GPC3: variants seen among roughly 807,000 people sequenced by gnomAD.
The protein encoded by GPC3 is glypican-3.
In GPC3, 3 loss-of-function variants were observed where a neutral mutation model predicts 34.4. The observed-to-expected ratio is 0.09, with a 90% confidence interval of 0.04 to 0.23. The LOEUF is 0.23. Ranked by LOEUF, GPC3 falls within the 10% of genes least tolerant of loss-of-function variation. The probability of loss-of-function intolerance (pLI) is 1.00; values close to 1 mark genes in which losing one functional copy is unlikely to be tolerated. For synonymous variants in GPC3, 177 were observed against 174.0 expected, an observed-to-expected ratio of 1.02 and a Z score of -0.13; for missense variants, 351 against 445.6, an observed-to-expected ratio of 0.79 and a Z score of 1.91.
chrX:133,585,495 A>C (rs1265610679), intron 7 of GPC3, among the ~76,000 whole-genome samples: 1 of 111,288 alleles, frequency 9.0e-6, no homozygotes, highest in Non-Finnish European at 1.9e-5. Flanking sequence ...ATTGTTTATC[A>C]TGGAAACTTT....
At chrX:133,980,532 T>C (rs761496515) in intron 1 of GPC3, among the ~76,000 whole-genome samples, 2 of 111,855 alleles carry the variant, frequency 1.8e-5, no homozygotes, top group South Asian at 7.5e-4. Context: ...AATAACCATA[T>C]GCAGAAAAAA....
At chrX:133,832,097 T>C (rs2075778092) in intron 2 of GPC3, among the ~76,000 whole-genome samples, 1 of 110,435 alleles carries the variant, frequency 9.1e-6, no homozygotes, top group African/African-American at 3.3e-5. Flanking sequence ...CTGGCCAACA[T>C]GGCAAAACCC....
intron 3 of GPC3, among the ~76,000 whole-genome samples, chrX:133,732,707 G>A (rs1025926812): frequency 7.2e-5 from 8 of 111,436 alleles, no homozygotes; most frequent in Middle Eastern, 4.6e-3. Context: ...ACACAGTTCA[G>A]GAGAAAGAGA....
intron 1 of GPC3, among the ~76,000 whole-genome samples, chrX:133,981,575 C>T (rs2073381088): frequency 8.9e-6 from 1 of 111,888 alleles, no homozygotes; most frequent in Non-Finnish European, 1.9e-5. Context: ...AAAGTTTTAA[C>T]AAATCACCTG....
chrX:133,657,389 G>A (rs1569407513), intron 6 of GPC3, among the ~76,000 whole-genome samples: 1 of 111,770 alleles, frequency 8.9e-6, no homozygotes, highest in African/African-American at 3.3e-5. Context: ...TCTCCATGCA[G>A]GAGCCTGGAG....
chrX:133,742,622 A>G (rs1168575442), intron 3 of GPC3, among the ~76,000 whole-genome samples: 1 of 112,261 alleles, frequency 8.9e-6, no homozygotes, highest in African/African-American at 3.2e-5. Context: ...TTTCTTTGGA[A>G]AAAAAGATAG....
rs151332965 is a variant in GPC3, at chrX:133,790,065, G to A, written c.338-35889C>T. ...GGCTAGGGTAATCAGTGCACAATTA[G>A]TTGTTAACTGATAAATGAGGAGTCA... On this transcript the variant is annotated intron_variant, in intron 2 of 7. Transcript: ENST00000370818. Among the ~76,000 whole-genome samples the A allele has an allele frequency of 4.6e-3, 510 of 111,439 alleles. 3 individuals are homozygous for A. The highest frequency in any genetic ancestry group is 8.1e-3 in the Non-Finnish European group (428 of 53,065).
chrX:133,732,143 T>C (rs1450275087), intron 3 of GPC3, among the ~76,000 whole-genome samples: 1 of 111,479 alleles, frequency 9.0e-6, no homozygotes, highest in Middle Eastern at 4.7e-3. Context: ...GGAAGACTGA[T>C]GTCCTGTACA....
chrX:133,910,728 A>G (rs1354312807), intron 2 of GPC3, among the ~76,000 whole-genome samples: 1 of 112,177 alleles, frequency 8.9e-6, no homozygotes, highest in Admixed American at 9.5e-5. Context: ...TTGACTACCA[A>G]TTTATGGGGA....
At chrX:133,789,660 A>G (rs750299751) in intron 2 of GPC3, among the ~76,000 whole-genome samples, 1 of 112,243 alleles carries the variant, frequency 8.9e-6, no homozygotes, top group East Asian at 2.8e-4. Flanking sequence ...CCACCATCAA[A>G]CAGGGATGAT....
chrX:133,941,364 C>G (rs1201308482), intron 2 of GPC3, among the ~76,000 whole-genome samples: 6 of 112,508 alleles, frequency 5.3e-5, no homozygotes, highest in Admixed American at 9.4e-5. Flanking sequence ...ATTTCTAGAC[C>G]AAAATTACTT....
intron 2 of GPC3, among the ~76,000 whole-genome samples, chrX:133,853,401 C>T (rs1488409887): frequency 8.9e-6 from 1 of 111,835 alleles, no homozygotes; most frequent in Admixed American, 9.5e-5. Flanking sequence ...CATTTCTCTA[C>T]AGTAGTCATT....
chrX:133,936,673 A>T (rs984182755), intron 2 of GPC3, among the ~76,000 whole-genome samples: 3 of 112,139 alleles, frequency 2.7e-5, no homozygotes, highest in African/African-American at 9.7e-5. Flanking sequence ...AAAATAAATA[A>T]TTCAGTCAGG....
intron 3 of GPC3, among the ~76,000 whole-genome samples, chrX:133,704,425 T>A (rs1426309473): frequency 9.4e-6 from 1 of 106,135 alleles, no homozygotes; most frequent in Non-Finnish European, 2.0e-5. Flanking sequence ...TTAATATAAG[T>A]TTTACGTCAC....
At chrX:133,940,174 T>C (rs980945555) in intron 2 of GPC3, among the ~76,000 whole-genome samples, 1 of 111,451 alleles carries the variant, frequency 9.0e-6, no homozygotes, top group African/African-American at 3.3e-5. Flanking sequence ...CTACAGAGAA[T>C]TGTTTCATAT....
At chrX:133,729,497 A>G (rs1460123712) in intron 3 of GPC3, among the ~76,000 whole-genome samples, 1 of 112,049 alleles carries the variant, frequency 8.9e-6, no homozygotes, top group East Asian at 2.8e-4. Context: ...ATGCCTGGGC[A>G]TAGGCTGATC....
intron 7 of GPC3, among the ~76,000 whole-genome samples, chrX:133,559,238 T>C (rs1271160153): frequency 1.8e-5 from 2 of 111,456 alleles, no homozygotes; most frequent in African/African-American, 6.5e-5. Flanking sequence ...GCTGAGAACA[T>C]TTATGGATGT....
In GPC3 at chrX:133,604,110, C is replaced by T. The variant is rs778148959; in HGVS notation, c.1414-7511G>A. On this transcript the variant is annotated intron_variant, in intron 6 of 7. Transcript: ENST00000370818. ...CCACCAGTTTGTATAACAGGGAAGA[C>T]TGCCATCCCCATTTCTCACGTTAAG... 7.2e-5 allele frequency among the ~76,000 whole-genome samples: 8 copies of T among 111,441 alleles called. 1 individual carries two copies. The Admixed American group carries it at 7.6e-4, about 11-fold the overall frequency.
intron 2 of GPC3, among the ~76,000 whole-genome samples, chrX:133,814,793 C>T (rs988222694): frequency 9.0e-6 from 1 of 110,933 alleles, no homozygotes; most frequent in African/African-American, 3.3e-5. Flanking sequence ...GTCTTGAACT[C>T]CTGACCTCAG....
Sources: allele counts gnomAD v4.1 joint callset (sites outside exome capture counted in the v4.1 genomes callset), GRCh38; gene constraint gnomAD v4.1.1; transcripts MANE v1.5; gene names NCBI Gene and HGNC (gene_info 2026-07-23, HGNC 2026-07-21).